The following UVRAG variants were observed in gnomAD, a reference collection of about 807,000 sequenced individuals.
UVRAG encodes UV radiation resistance-associated gene protein.
A neutral mutation model predicts 78.0 loss-of-function variants in UVRAG; 19 were observed. That is an observed-to-expected ratio of 0.24 (90% CI 0.17 to 0.36). UVRAG has a LOEUF of 0.36. Ranked by LOEUF, UVRAG falls within the 10% of genes least tolerant of loss-of-function variation. UVRAG has a pLI of 1.00. For missense variants in UVRAG, 740 were observed against 853.8 expected, an observed-to-expected ratio of 0.87 and a Z score of 1.66; for synonymous variants, 323 against 324.6, an observed-to-expected ratio of 1.00 and a Z score of 0.05.
At chr11:75,820,418 G>A (rs1251750037) in intron 1 of UVRAG, among the ~76,000 whole-genome samples, 6 of 150,140 alleles carry the variant, frequency 4.0e-5, no homozygotes, top group African/African-American at 7.4e-5. Flanking sequence ...GGAGTGGTGC[G>A]ATCTCCGCTC....
intron 12 of UVRAG, among the ~76,000 whole-genome samples, chr11:76,024,176 G>A (rs1017061769): frequency 6.6e-6 from 1 of 152,184 alleles, no homozygotes; most frequent in Non-Finnish European, 1.5e-5. Flanking sequence ...CACTTTGCGA[G>A]CTTGCAGGAA....
intron 8 of UVRAG, 188 bp downstream of exon 8, chr11:75,983,701 C>T (rs1413133653): frequency 5.2e-6 from 4 of 774,076 alleles, no homozygotes; most frequent in Non-Finnish European, 7.6e-6. Context: ...AGTATGTTTA[C>T]ACAAGCTCAG....
chr11:76,036,786 C>T (rs1186031926), intron 12 of UVRAG, among the ~76,000 whole-genome samples: 1 of 150,332 alleles, frequency 6.7e-6, no homozygotes. Flanking sequence ...ACACATGTGC[C>T]ACACAGATTG....
At chr11:76,039,775 T>C (rs188480114) in intron 12 of UVRAG, among the ~76,000 whole-genome samples, 1 of 152,282 alleles carries the variant, frequency 6.6e-6, no homozygotes, top group East Asian at 1.9e-4. Flanking sequence ...CTTGGGAGGC[T>C]GAGGCAGGAG....
chr11:75,917,997 G>A (rs891218757), intron 6 of UVRAG, among the ~76,000 whole-genome samples: 1 of 152,114 alleles, frequency 6.6e-6, no homozygotes, highest in Non-Finnish European at 1.5e-5. Flanking sequence ...AGGCAGTCTA[G>A]CTCCAGAGGC....
chr11:75,906,318 G>GT (rs760179318), intron 5 of UVRAG, among the ~76,000 whole-genome samples: 9 of 151,392 alleles, frequency 5.9e-5, no homozygotes, highest in South Asian at 2.1e-4. Context: ...AGTTCTATAG[G>GT]TTTTTTTTAG....
chr11:76,018,888 T>C (rs554112339), intron 12 of UVRAG, among the ~76,000 whole-genome samples: 1 of 152,336 alleles, frequency 6.6e-6, no homozygotes, highest in South Asian at 2.1e-4. Context: ...TATTTTTTCC[T>C]AGGTTTGGGA....
chr11:75,981,685 A>G (rs970744150), intron 7 of UVRAG, among the ~76,000 whole-genome samples: 3 of 151,756 alleles, frequency 2.0e-5, no homozygotes, highest in Admixed American at 6.6e-5. Flanking sequence ...TGATGACACA[A>G]AAGTTAGCTC....
intron 8 of UVRAG, among the ~76,000 whole-genome samples, chr11:75,988,033 G>A (rs1591100078): frequency 6.6e-6 from 1 of 152,056 alleles, no homozygotes; most frequent in Non-Finnish European, 1.5e-5. Context: ...CCACCAGCCC[G>A]GCCGCATTAA....
At chr11:76,049,747 G>C (rs1950826601) in intron 12 of UVRAG, among the ~76,000 whole-genome samples, 1 of 152,218 alleles carries the variant, frequency 6.6e-6, no homozygotes. Flanking sequence ...TACAGCATCA[G>C]TAAGGACTTC....
At chr11:75,839,961 T>A (rs1847338408) in intron 1 of UVRAG, among the ~76,000 whole-genome samples, 1 of 152,024 alleles carries the variant, frequency 6.6e-6, no homozygotes, top group Admixed American at 6.6e-5. Flanking sequence ...TGTTGGATCT[T>A]GTTTGATCTA....
chr11:76,122,270 A>T (rs1014950219), intron 14 of UVRAG, among the ~76,000 whole-genome samples: 2 of 152,190 alleles, frequency 1.3e-5, no homozygotes, highest in Admixed American at 1.3e-4. Context: ...GTGGATCTGG[A>T]GCAAAAGAAG....
At chr11:75,955,175 T>G (rs1410641680) in intron 6 of UVRAG, among the ~76,000 whole-genome samples, 3 of 152,024 alleles carry the variant, frequency 2.0e-5, no homozygotes, top group Non-Finnish European at 2.9e-5. Flanking sequence ...TTTAAGAGAG[T>G]ATTACTGTCA....
chr11:76,014,234 A>G (rs1301551380), intron 11 of UVRAG, among the ~76,000 whole-genome samples: 1 of 152,214 alleles, frequency 6.6e-6, no homozygotes, highest in African/African-American at 2.4e-5. Context: ...TCCTTTCATA[A>G]TATGGGGAAA....
intron 6 of UVRAG, chr11:75,930,825 G>A (rs1320716486): frequency 6.6e-6 from 1 of 152,226 alleles, no homozygotes; most frequent in African/African-American, 2.4e-5. Flanking sequence ...CACGGCATGT[G>A]TTGGCATCTG....
intron 6 of UVRAG, among the ~76,000 whole-genome samples, chr11:75,932,215 C>T (rs1461195378): frequency 6.6e-6 from 1 of 152,018 alleles, no homozygotes; most frequent in East Asian, 1.9e-4. Context: ...ATCCGCTAAG[C>T]AAATTGGAAA....
chr11:75,850,300 TCAGGAAGGG>T (rs1946126735), intron 1 of UVRAG, among the ~76,000 whole-genome samples: 1 of 152,192 alleles, frequency 6.6e-6, no homozygotes, highest in Non-Finnish European at 1.5e-5. Flanking sequence ...AATTGGAAAA[TCAGGAAGGG>T]CAGGAATCTT....
At position 75,971,356 on chromosome 11, in the gene UVRAG, T is replaced by C. The variant is rs115167837; in HGVS notation, c.699+9807T>C. Among the ~76,000 whole-genome samples, 538 of 152,328 alleles carry C rather than the reference T, an allele frequency of 3.5e-3. 3 individuals are homozygous for C. The highest frequency in any genetic ancestry group is 0.013 in the African/African-American group (529 of 41,572). On this transcript the variant is annotated intron_variant, in intron 7 of 14. Transcript: ENST00000356136. ...CGTAAGTTTTCAGTATCCAGGTTAA[T>C]ATATAAGAGTATGATTGCTAGATTG...
intron 5 of UVRAG, among the ~76,000 whole-genome samples, chr11:75,890,580 C>A (rs528378922): frequency 6.6e-6 from 1 of 152,094 alleles, no homozygotes; most frequent in Non-Finnish European, 1.5e-5. Flanking sequence ...TTGTGAGTTG[C>A]GATTTGATCC....
Sources: allele counts gnomAD v4.1 joint callset (sites outside exome capture counted in the v4.1 genomes callset), GRCh38; gene constraint gnomAD v4.1.1; transcripts MANE v1.5; gene names NCBI Gene and HGNC (gene_info 2026-07-23, HGNC 2026-07-21).